Variants in ZBTB41 observed in about 807,000 individuals in gnomAD.
ZBTB41 encodes the protein zinc finger and BTB domain containing 41.
In ZBTB41, 42 loss-of-function variants were observed where a neutral mutation model predicts 87.6. The observed-to-expected ratio is 0.48, with a 90% CI of 0.37 to 0.62. The LOEUF is 0.62. Among genes scored for constraint, ZBTB41 ranks in the 20% least tolerant of loss-of-function variants. The probability of loss-of-function intolerance (pLI) is 0.00; values close to 1 mark genes in which losing one functional copy is unlikely to be tolerated. For synonymous variants in ZBTB41, 364 were observed against 364.0 expected (o/e 1.00, Z 0.00); for missense variants, 799 against 1,078.9 (o/e 0.74, Z 3.63).
Position 197,172,166 on chromosome 1 carries a change from G to C in ZBTB41, c.2068C>G (p.His690Asp). The C allele has an allele frequency of 7.2e-7, 1 of 1,396,304 alleles. No individual in the cohort carries two copies. Among genetic ancestry groups the C allele is most frequent in the Non-Finnish European group, 9.5e-7 (1 of 1,056,968 alleles). 86.5% of individuals were successfully genotyped at this position (1,396,304 alleles called of 1,614,324 possible). The change falls in exon 10 of 11, where the codon CAT becomes GAT. Residue 690 changes from histidine (H) to aspartate (D), a missense_variant. Transcript: ENST00000367405. ...KSSLEMHFRT[H>D]SGEKPYKCQI... ...ACCACTCATTAAATTTTACCTGAATGCGTTCGAAAATGCATTTCCAGACTT... is the reference window on the plus strand; with the variant it reads ...ACCACTCATTAAATTTTACCTGAATCCGTTCGAAAATGCATTTCCAGACTT...
chr1:197,172,122 T>A (rs190061063), intron 10 of ZBTB41, 38 bp downstream of exon 10: 1 of 792,830 alleles, frequency 1.3e-6, no homozygotes, highest in Non-Finnish European at 1.8e-6. Flanking sequence ...TATCTCTCTC[T>A]ATATATATAT....
chr1:197,174,647 C>T (rs1659559781), intron 9 of ZBTB41, among the ~76,000 whole-genome samples: 1 of 152,008 alleles, frequency 6.6e-6, no homozygotes, highest in Admixed American at 6.6e-5. Context: ...ATTTTAAATG[C>T]TTAGTATGAT....
Position 197,156,734 on chromosome 1 carries a change from T to C in ZBTB41, c.*2625A>G, listed in dbSNP as rs1659076602. 1 of 152,276 alleles carries C rather than the reference T, an allele frequency of 6.6e-6. No individual in the cohort carries two copies. Among genetic ancestry groups the C allele is most frequent in the African/African-American group, 2.4e-5 (1 of 41,406 alleles). 9.4% of individuals were successfully genotyped at this position (152,276 alleles called of 1,614,324 possible). On this transcript the variant is annotated 3_prime_UTR_variant, in exon 11 of 11. Coordinates refer to ENST00000367405, the MANE Select transcript of ZBTB41 (RefSeq NM_194314.3). ...TAGAGGCAGCAGATTAGTTTCATTT[T>C]GTTTTTGTTGTTGTTGTTTTCAATC... is the stretch of plus-strand genomic sequence containing the variant.
At chr1:197,198,752 C>G (rs1660227586) in intron 2 of ZBTB41, among the ~76,000 whole-genome samples, 1 of 152,148 alleles carries the variant, frequency 6.6e-6, no homozygotes, top group Non-Finnish European at 1.5e-5. Context: ...ACAACCAAAG[C>G]TTCTTGGCCT....
At chr1:197,161,615 T>TAAC (rs1395302065) in intron 10 of ZBTB41, among the ~76,000 whole-genome samples, 9 of 87,264 alleles carry the variant, frequency 1.0e-4, no homozygotes, top group African/African-American at 3.4e-4. Flanking sequence ...GAGACATGAA[T>TAAC]ACATTATATA....
At chr1:197,187,737 A>G (rs1252992887) in intron 5 of ZBTB41, among the ~76,000 whole-genome samples, 3 of 152,176 alleles carry the variant, frequency 2.0e-5, no homozygotes, top group Non-Finnish European at 4.4e-5. Flanking sequence ...ACAGTGTATG[A>G]TTCCAACCAT....
At chr1:197,160,800 G>A (rs545221296) in intron 10 of ZBTB41, among the ~76,000 whole-genome samples, 2 of 152,250 alleles carry the variant, frequency 1.3e-5, no homozygotes, top group South Asian at 4.1e-4. Flanking sequence ...GTAAGACCTT[G>A]AAATAGGCAG....
chr1:197,178,869 G>A (rs1659675665), intron 6 of ZBTB41, among the ~76,000 whole-genome samples: 1 of 152,066 alleles, frequency 6.6e-6, no homozygotes, highest in Non-Finnish European at 1.5e-5. Flanking sequence ...AAGTAATCCA[G>A]TTTATCAGTA....
At chr1:197,196,215 G>C (rs1263844568) in intron 2 of ZBTB41, among the ~76,000 whole-genome samples, 2 of 152,154 alleles carry the variant, frequency 1.3e-5, no homozygotes, top group Non-Finnish European at 2.9e-5. Flanking sequence ...CGAAAGGAAT[G>C]TGGATGATAT....
chr1:197,193,659 G>A (rs1557987204), intron 2 of ZBTB41, among the ~76,000 whole-genome samples: 1 of 152,098 alleles, frequency 6.6e-6, no homozygotes, highest in African/African-American at 2.4e-5. Context: ...TACTGCTAGA[G>A]TATACTCAAC....
At chr1:197,167,559 T>C (rs1026061038) in intron 10 of ZBTB41, among the ~76,000 whole-genome samples, 1 of 152,104 alleles carries the variant, frequency 6.6e-6, no homozygotes, top group African/African-American at 2.4e-5. Context: ...TAATATATCA[T>C]TAGCAAGATA....
At chr1:197,181,217 G>A (rs541712447) in intron 5 of ZBTB41, 100 bp from the exon 6 acceptor site, 5 of 1,086,542 alleles carry the variant, frequency 4.6e-6, no homozygotes, top group Admixed American at 6.3e-5. Flanking sequence ...TCCTATTGGT[G>A]CATATGTCAT....
intron 2 of ZBTB41, among the ~76,000 whole-genome samples, chr1:197,192,710 C>A: frequency 6.6e-6 from 1 of 152,088 alleles, no homozygotes; most frequent in Middle Eastern, 3.4e-3. Context: ...ATAAATTTTT[C>A]TTCAGGTGAA....
At chr1:197,185,758 G>A (rs960314291) in intron 5 of ZBTB41, among the ~76,000 whole-genome samples, 1 of 151,972 alleles carries the variant, frequency 6.6e-6, no homozygotes, top group Non-Finnish European at 1.5e-5. Flanking sequence ...CCCCCAAAAT[G>A]AAATATTTAG....
chr1:197,186,297 T>C (rs893506506), intron 5 of ZBTB41, among the ~76,000 whole-genome samples: 8 of 150,560 alleles, frequency 5.3e-5, no homozygotes, highest in Non-Finnish European at 1.2e-4. Flanking sequence ...AAAAAATACA[T>C]CTAGACACAG....
intron 10 of ZBTB41, among the ~76,000 whole-genome samples, chr1:197,162,820 CCAG>C (rs1337035894): frequency 2.6e-5 from 4 of 152,062 alleles, no homozygotes; most frequent in African/African-American, 9.7e-5. Flanking sequence ...AAGCTGCAAC[CCAG>C]CACTTGAGGA....
chr1:197,168,533 C>CA (rs1294005794), intron 10 of ZBTB41, among the ~76,000 whole-genome samples: 4 of 152,028 alleles, frequency 2.6e-5, no homozygotes, highest in East Asian at 3.9e-4. Flanking sequence ...ATCATCTTTC[C>CA]AAAAAATAGC....
rs1659101702 is a variant in ZBTB41, at chr1:197,157,700, C to T, written c.*1659G>A. The T allele has an allele frequency of 6.6e-6, 1 of 152,324 alleles. No homozygotes were observed. Among genetic ancestry groups the T allele is most frequent in the Non-Finnish European group, 1.5e-5 (1 of 67,806 alleles). 9.4% of individuals were successfully genotyped at this position (152,324 alleles called of 1,614,324 possible). Reference sequence around the variant, plus strand: ...TTGGTTTTATTATTTATATGAGCTACTTTGGTTAACTGCCTCAGTTTTCAA... The same window carrying T: ...TTGGTTTTATTATTTATATGAGCTATTTTGGTTAACTGCCTCAGTTTTCAA... On this transcript the variant is annotated 3_prime_UTR_variant, in exon 11 of 11. Transcript: ENST00000367405.
At chr1:197,192,228 T>A (rs918222373) in intron 2 of ZBTB41, among the ~76,000 whole-genome samples, 8 of 152,226 alleles carry the variant, frequency 5.3e-5, no homozygotes, top group African/African-American at 1.9e-4. Flanking sequence ...TTTAAATGTA[T>A]TTTTAAACTT....
Sources: gnomAD v4.1 joint callset for allele counts (sites outside exome capture counted in the v4.1 genomes callset) on GRCh38, gnomAD v4.1.1 for gene constraint, MANE v1.5 for transcripts, NCBI Gene and HGNC (gene_info 2026-07-23, HGNC 2026-07-21) for gene names.